Variants in ANKS1B observed in about 807,000 individuals in gnomAD.
The protein encoded by ANKS1B is ankyrin repeat and sterile alpha motif domain containing 1B.
ANKS1B carries 36 observed loss-of-function variants against 148.3 expected under a neutral mutation model. That is an observed-to-expected ratio of 0.24 (90% CI 0.19 to 0.32). The LOEUF (loss-of-function observed/expected upper bound fraction) is 0.32, where lower values mean the gene tolerates loss of function less well. Among genes scored for constraint, ANKS1B ranks in the 10% least tolerant of loss-of-function variants. ANKS1B has a pLI of 1.00. For missense variants in ANKS1B, 1,157 were observed against 1,542.6 expected, an observed-to-expected ratio of 0.75 and a Z score of 4.19; for synonymous variants, 542 against 560.8, an observed-to-expected ratio of 0.97 and a Z score of 0.47.
At position 99,341,130 on chromosome 12, in the gene ANKS1B, CA is replaced by C. The variant is rs2089846644; in HGVS notation, c.1756+58500del. The C allele has an allele frequency of 2.0e-5, 3 of 152,094 alleles. No individual in the cohort carries two copies. The South Asian group carries it at 6.2e-4, about 31-fold the overall frequency. 9.4% of individuals were successfully genotyped at this position (152,094 alleles called of 1,614,324 possible). A position where few individuals can be genotyped will look rare whatever the true frequency, so the allele number is the denominator to read the frequency against. On this transcript the variant is annotated intron_variant, in intron 12 of 26. Coordinates refer to ENST00000683438, the MANE Select transcript of ANKS1B (RefSeq NM_001352186.2). ...CATTAATTGTCTTACCTTGATTTGT[CA>C]CAGTCTTTGTGTTCAGGTCTCAAGG...
At chr12:99,651,472 C>T (rs1242608543) in intron 9 of ANKS1B, among the ~76,000 whole-genome samples, 2 of 152,158 alleles carry the variant, frequency 1.3e-5, no homozygotes, top group East Asian at 3.9e-4. Context: ...TAACAGAGAC[C>T]AACTTTATCT....
chr12:98,933,333 A>C (rs767589419), intron 17 of ANKS1B, among the ~76,000 whole-genome samples: 4 of 152,152 alleles, frequency 2.6e-5, no homozygotes, highest in Non-Finnish European at 5.9e-5. Flanking sequence ...TTCTTTTTAA[A>C]GACTGAATAG....
chr12:99,462,586 T>A (rs954894959), intron 10 of ANKS1B, among the ~76,000 whole-genome samples: 2 of 152,252 alleles, frequency 1.3e-5, no homozygotes, highest in African/African-American at 2.4e-5. Context: ...CCCTTCTGCA[T>A]CTTTTTAACC....
intron 17 of ANKS1B, among the ~76,000 whole-genome samples, chr12:99,006,305 C>A (rs942615801): frequency 1.3e-4 from 20 of 152,190 alleles, no homozygotes; most frequent in Admixed American, 6.5e-5. Flanking sequence ...TTAACATATT[C>A]ATTCTCAATT....
chr12:99,317,382 T>C (rs1367731409), intron 12 of ANKS1B, among the ~76,000 whole-genome samples: 3 of 152,150 alleles, frequency 2.0e-5, no homozygotes, highest in Non-Finnish European at 4.4e-5. Flanking sequence ...TCCTTCATGT[T>C]CCTTGTAAGT....
At chr12:99,651,374 T>C (rs1184966172) in intron 9 of ANKS1B, among the ~76,000 whole-genome samples, 1 of 152,096 alleles carries the variant, frequency 6.6e-6, no homozygotes, top group African/African-American at 2.4e-5. Context: ...AATAAAACAA[T>C]TTTTGTTTTT....
At chr12:98,777,104 G>GA (rs1256459484) in intron 24 of ANKS1B, among the ~76,000 whole-genome samples, 1 of 152,116 alleles carries the variant, frequency 6.6e-6, no homozygotes, top group Admixed American at 6.6e-5. Flanking sequence ...GAGGTTGGGG[G>GA]ATCACTTGAG....
intron 8 of ANKS1B, among the ~76,000 whole-genome samples, chr12:99,698,845 T>G (rs1478386758): frequency 6.6e-6 from 1 of 152,180 alleles, no homozygotes; most frequent in African/African-American, 2.4e-5. Flanking sequence ...TTAAGGCCTA[T>G]GATGACTTCA....
At position 99,008,897 on chromosome 12, in the gene ANKS1B, G is replaced by C. The variant is rs1320310233; in HGVS notation, c.2778+44260C>G. Among the ~76,000 whole-genome samples, 3 of 152,082 alleles carry C rather than the reference G, an allele frequency of 2.0e-5. No homozygotes were observed. In the East Asian group the frequency reaches 5.8e-4, roughly 29 times the overall value. ...AACTCACTGGTGCTTTCAAGTTCAG[G>C]GTGGCAGGGTTGAAGGTGAGAGTTA... On this transcript the variant is annotated intron_variant, in intron 17 of 26. Transcript: ENST00000683438.
intron 1 of ANKS1B, among the ~76,000 whole-genome samples, chr12:99,919,788 A>AAAAAAC (rs1555246044): frequency 1.3e-5 from 2 of 151,906 alleles, no homozygotes; most frequent in African/African-American, 2.4e-5. Context: ...TTAAAAAAAA[A>AAAAAAC]AAAAAACCTG....
rs549077557 is a variant in ANKS1B, at chr12:99,801,808, A to T, written c.669+4596T>A. On this transcript the variant is annotated intron_variant, in intron 4 of 26. Transcript: ENST00000683438. Reference sequence around the variant, plus strand: ...GGACAAGAAAGGATAGGATCCAATGAACAAGTAGAGAGGAATTAGCCTTAG... The same window carrying T: ...GGACAAGAAAGGATAGGATCCAATGTACAAGTAGAGAGGAATTAGCCTTAG... 5.9e-5 allele frequency among the ~76,000 whole-genome samples: 9 copies of T among 152,326 alleles called. No individual in the cohort carries two copies. In the South Asian group the frequency reaches 1.0e-3, roughly 18 times the overall value.
intron 8 of ANKS1B, among the ~76,000 whole-genome samples, chr12:99,759,799 G>A (rs986590536): frequency 4.6e-5 from 7 of 151,924 alleles, no homozygotes; most frequent in African/African-American, 1.7e-4. Context: ...AGAATGTGAG[G>A]TTAAAAGAAA....
chr12:99,361,461 G>T (rs2092453409), intron 12 of ANKS1B, among the ~76,000 whole-genome samples: 1 of 151,932 alleles, frequency 6.6e-6, no homozygotes, highest in African/African-American at 2.4e-5. Flanking sequence ...GTATTGTACT[G>T]TATCACCTAA....
At chr12:99,702,596 G>A (rs948282741) in intron 8 of ANKS1B, among the ~76,000 whole-genome samples, 6 of 152,000 alleles carry the variant, frequency 3.9e-5, no homozygotes, top group African/African-American at 1.2e-4. Context: ...AGGCTGGAGT[G>A]TAGTGGTACA....
chr12:98,829,808 G>A lies in ANKS1B; in HGVS notation c.2887-455C>T, dbSNP rs927662456. The stretch of plus-strand genomic sequence containing the variant: ...CAGGGTTGGGAAGAGGACACAGTAC[G>A]GCAACACAGCATGTCACACGCACAG... On this transcript the variant is annotated intron_variant, in intron 18 of 26. Transcript: ENST00000683438. The surrounding 1 kb of genome is among the most constrained non-coding windows in gnomAD (Gnocchi z 5.2). Among the ~76,000 whole-genome samples, 13 of 152,300 alleles carry A rather than the reference G, an allele frequency of 8.5e-5. No individual in the cohort carries two copies. The highest frequency in any genetic ancestry group is 3.1e-4 in the African/African-American group (13 of 41,560).
chr12:99,644,926 T>C (rs73387927), intron 9 of ANKS1B, among the ~76,000 whole-genome samples: 1,833 of 152,236 alleles, frequency 0.012, 40 homozygotes, highest in African/African-American at 0.042. Context: ...CATCATCACA[T>C]ATCTTCTGAC....
At chr12:98,900,698 A>G (rs1216495021) in intron 17 of ANKS1B, among the ~76,000 whole-genome samples, 1 of 152,234 alleles carries the variant, frequency 6.6e-6, no homozygotes, top group African/African-American at 2.4e-5. Flanking sequence ...TTCACTAAAG[A>G]CAGCTGTCCC....
At chr12:99,517,578 AAT>A (rs1726333984) in intron 9 of ANKS1B, among the ~76,000 whole-genome samples, 1 of 147,142 alleles carries the variant, frequency 6.8e-6, no homozygotes, top group African/African-American at 2.7e-5. Context: ...AAAAAAAAAA[AAT>A]TAGCTGGGTG....
chr12:99,374,559 T>A (rs2093305526), intron 12 of ANKS1B, among the ~76,000 whole-genome samples: 1 of 152,224 alleles, frequency 6.6e-6, no homozygotes, highest in South Asian at 2.1e-4. Context: ...TTTTTATTAA[T>A]CTTAAATGTA....
Sources: allele counts gnomAD v4.1 joint callset (sites outside exome capture counted in the v4.1 genomes callset), GRCh38; gene constraint gnomAD v4.1.1; non-coding constraint Gnocchi (gnomAD v3.1); transcripts MANE v1.5; gene names NCBI Gene and HGNC (gene_info 2026-07-23, HGNC 2026-07-21).